NIPAL2: variants seen among roughly 807,000 people sequenced by gnomAD.
The protein encoded by NIPAL2 is NIPA-like protein 2.
In NIPAL2, 43 loss-of-function variants were observed where a neutral mutation model predicts 48.9. The observed-to-expected ratio is 0.88, with a 90% confidence interval of 0.69 to 1.13. The LOEUF (loss-of-function observed/expected upper bound fraction) is 1.13, where lower values mean the gene tolerates loss of function less well. Among genes scored for constraint, NIPAL2 ranks in the 50% most tolerant of loss-of-function variants. The pLI, the probability that NIPAL2 is intolerant of heterozygous loss-of-function variation, is 0.00. For missense variants in NIPAL2, 446 were observed against 461.4 expected (o/e 0.97, Z 0.31); for synonymous variants, 167 against 174.6 (o/e 0.96, Z 0.34).
At chr8:98,286,211 G>T (rs986520596) in intron 1 of NIPAL2, among the ~76,000 whole-genome samples, 5 of 152,252 alleles carry the variant, frequency 3.3e-5, no homozygotes, top group East Asian at 3.9e-4. Flanking sequence ...TCAGCCTCCA[G>T]AACCATGAGC....
chr8:98,263,855 G>A (rs1814529242), intron 1 of NIPAL2, among the ~76,000 whole-genome samples: 1 of 116,332 alleles, frequency 8.6e-6, no homozygotes, highest in Non-Finnish European at 1.8e-5. Flanking sequence ...CAATATCCTT[G>A]ATGAACATTG....
At chr8:98,251,191 G>A (rs565182903) in intron 3 of NIPAL2, among the ~76,000 whole-genome samples, 3 of 151,640 alleles carry the variant, frequency 2.0e-5, no homozygotes, top group African/African-American at 7.3e-5. Context: ...TCATGGAAAC[G>A]GCATAAAGTA....
chr8:98,189,939 G>T lies in NIPAL2; in HGVS notation c.*3039C>A, dbSNP rs916202784. ...AGCCAAAAAACAATCATATGGCAAA[G>T]GCCTCTGCTTTAATCTACTACATGA... On this transcript the variant is annotated 3_prime_UTR_variant, in exon 11 of 11. Transcript: ENST00000430223. The T allele has an allele frequency of 6.6e-6, 1 of 152,182 alleles. No homozygotes were observed. Among genetic ancestry groups the T allele is most frequent in the Non-Finnish European group, 1.5e-5 (1 of 68,034 alleles). 9.4% of individuals were successfully genotyped at this position (152,182 alleles called of 1,614,324 possible). A position where few individuals can be genotyped will look rare whatever the true frequency, so the allele number is the denominator to read the frequency against.
Position 98,190,776 on chromosome 8 carries a change from G to A in NIPAL2, c.*2202C>T, listed in dbSNP as rs560168750. 2.0e-5 allele frequency: 3 copies of A among 152,338 alleles called. No individual in the cohort carries two copies. The South Asian group carries it at 6.2e-4, about 32-fold the overall frequency. The allele number at this position is 152,338 out of a possible 1,614,324, so 9.4% of individuals were successfully genotyped here. ...ACACAAACTCCAAAATATGTACTCT[G>A]TGGGTCTTTACTGAAAACTTTGCCG... On this transcript the variant is annotated 3_prime_UTR_variant, in exon 11 of 11. Transcript: ENST00000430223.
intron 5 of NIPAL2, among the ~76,000 whole-genome samples, chr8:98,213,795 G>C (rs1199440432): frequency 3.3e-5 from 5 of 152,112 alleles, no homozygotes; most frequent in African/African-American, 1.2e-4. Flanking sequence ...ATCTAACAGA[G>C]CCACTCATTA....
intron 1 of NIPAL2, among the ~76,000 whole-genome samples, chr8:98,274,510 T>C (rs1815346894): frequency 6.6e-6 from 1 of 152,102 alleles, no homozygotes; most frequent in African/African-American, 2.4e-5. Context: ...AGGATTATTT[T>C]ATCTCCTCAG....
intron 4 of NIPAL2, among the ~76,000 whole-genome samples, chr8:98,225,955 C>T (rs1812153894): frequency 6.6e-6 from 1 of 151,894 alleles, no homozygotes; most frequent in African/African-American, 2.4e-5. Context: ...TGTTTTCAAG[C>T]TCGCTAATTC....
rs1376856000 is a variant in NIPAL2 at position 98,212,438 on chromosome 8, T to C, written c.622A>G (p.Met208Val). The change falls in exon 6 of 11, where the codon ATG becomes GTG. Residue 208 changes from methionine (M) to valine (V), a missense_variant. Met to Val is a conservative substitution (Grantham distance 21). Transcript: ENST00000430223. ...GCCACCAGGGTTAGCAGAATCACCA[T>C]ATGCTTCATTCCTTTTCTTTTATAG... Reference protein sequence around the residue: ...YFYKRKGMKHMVILLTLVAIL... With the variant: ...YFYKRKGMKHVVILLTLVAIL... 3 of 1,589,678 alleles carry C rather than the reference T, an allele frequency of 1.9e-6. No homozygotes were observed. The highest frequency in any genetic ancestry group is 1.3e-5 in the African/African-American group (1 of 74,430).
intron 5 of NIPAL2, chr8:98,217,084 G>A: frequency 1.0e-6 from 1 of 985,430 alleles, no homozygotes; most frequent in Non-Finnish European, 1.2e-6. Flanking sequence ...TTTTGGCAAG[G>A]ATGGGGATTG....
chr8:98,275,105 C>A (rs1484337788), intron 1 of NIPAL2, among the ~76,000 whole-genome samples: 2 of 152,084 alleles, frequency 1.3e-5, no homozygotes, highest in Admixed American at 6.6e-5. Context: ...AGTAAAATAT[C>A]AAAACCAAGA....
chr8:98,251,623 T>C (rs553980608), intron 3 of NIPAL2: 115 of 152,334 alleles, frequency 7.5e-4, no homozygotes, highest in African/African-American at 2.7e-3. Context: ...AAAATTCTCT[T>C]CGAATCTACA....
intron 4 of NIPAL2, 59 bp downstream of exon 4, chr8:98,236,096 G>T: frequency 8.5e-7 from 1 of 1,181,450 alleles, no homozygotes; most frequent in East Asian, 2.4e-5. Flanking sequence ...TTTATGGATT[G>T]TATTATTTAT....
chr8:98,245,233 C>T (rs1034424942), intron 3 of NIPAL2, among the ~76,000 whole-genome samples: 1 of 152,190 alleles, frequency 6.6e-6, no homozygotes, highest in Non-Finnish European at 1.5e-5. Flanking sequence ...ACACATCGAG[C>T]GTGCTCACAG....
At chr8:98,199,124 T>C (rs2130692032) in intron 8 of NIPAL2, among the ~76,000 whole-genome samples, 1 of 152,062 alleles carries the variant, frequency 6.6e-6, no homozygotes, top group South Asian at 2.1e-4. Context: ...GCCCGGCTAA[T>C]TTTGTATTTT....
At position 98,267,380 on chromosome 8, in the gene NIPAL2, G is replaced by A. The variant is rs529122574; in HGVS notation, c.136-13293C>T. Reference sequence around the variant, plus strand: ...ACTTTGTTGCCCAAGGTGGGGTTCAGTGGTATGATGACAGCTCACTGCAGC... The same window carrying A: ...ACTTTGTTGCCCAAGGTGGGGTTCAATGGTATGATGACAGCTCACTGCAGC... On this transcript the variant is annotated intron_variant, in intron 1 of 10. Transcript: ENST00000430223. Among the ~76,000 whole-genome samples, 293 of 151,312 alleles carry A rather than the reference G, an allele frequency of 1.9e-3. 2 individuals carry two copies. The highest frequency in any genetic ancestry group is 0.017 in the Middle Eastern group (5 of 292).
At chr8:98,272,616 CT>C (rs1222984441) in intron 1 of NIPAL2, among the ~76,000 whole-genome samples, 5,412 of 140,418 alleles carry the variant, frequency 0.039, 110 homozygotes, top group Non-Finnish European at 0.05. Context: ...TGTGTGCTAT[CT>C]TTTTTTTTTT....
intron 1 of NIPAL2, among the ~76,000 whole-genome samples, chr8:98,277,010 T>C (rs1815507971): frequency 1.3e-5 from 2 of 151,726 alleles, no homozygotes; most frequent in South Asian, 4.2e-4. Context: ...CCTGAAGTGA[T>C]CTGCTCGCCT....
chr8:98,273,324 G>A (rs1005006700), intron 1 of NIPAL2, among the ~76,000 whole-genome samples: 3 of 152,238 alleles, frequency 2.0e-5, no homozygotes, highest in East Asian at 1.9e-4. Flanking sequence ...AATCTGTAGA[G>A]ACAGAAAATA....
chr8:98,233,808 G>A (rs1812568207), intron 4 of NIPAL2, among the ~76,000 whole-genome samples: 1 of 152,188 alleles, frequency 6.6e-6, no homozygotes, highest in African/African-American at 2.4e-5. Flanking sequence ...GAGTTAAGGT[G>A]CAGTATGAAA....
Sources: allele counts gnomAD v4.1 joint callset (sites outside exome capture counted in the v4.1 genomes callset), GRCh38; gene constraint gnomAD v4.1.1; transcripts MANE v1.5; gene names NCBI Gene and HGNC (gene_info 2026-07-23, HGNC 2026-07-21).